L3MBTL4: variants seen among roughly 807,000 people sequenced by gnomAD.
The protein encoded by L3MBTL4 is lethal(3)malignant brain tumor-like protein 4.
L3MBTL4 carries 70 observed loss-of-function variants against 84.5 expected under a neutral mutation model. The ratio of observed to expected loss-of-function variants is 0.83; its 90% CI spans 0.68 to 1.01. The LOEUF (loss-of-function observed/expected upper bound fraction) is 1.01, where lower values mean the gene tolerates loss of function less well. Ranked by LOEUF, L3MBTL4 falls within the 50% of genes least tolerant of loss-of-function variation. The probability of loss-of-function intolerance (pLI) is 0.00; values close to 1 mark genes in which losing one functional copy is unlikely to be tolerated. For missense variants in L3MBTL4, 715 were observed against 754.8 expected (o/e 0.95, Z 0.62); for synonymous variants, 274 against 259.8 (o/e 1.05, Z -0.52).
At chr18:6,273,874 C>G (rs1395725094) in intron 4 of L3MBTL4, among the ~76,000 whole-genome samples, 1 of 152,234 alleles carries the variant, frequency 6.6e-6, no homozygotes, top group Non-Finnish European at 1.5e-5. Context: ...GAGTGAAGAT[C>G]TGGTGACTCA....
At chr18:6,205,659 T>C (rs1165581426) in intron 12 of L3MBTL4, among the ~76,000 whole-genome samples, 3 of 152,244 alleles carry the variant, frequency 2.0e-5, no homozygotes, top group African/African-American at 7.2e-5. Context: ...CCATCATCCT[T>C]TCTTATATCA....
chr18:5,969,409 C>T lies in L3MBTL4; in HGVS notation c.1598G>A (p.Arg533His), dbSNP rs147435588. 8.7e-5 allele frequency: 140 copies of T among 1,614,024 alleles called. 1 individual carries two copies. In the African/African-American group the frequency reaches 1.4e-3, roughly 16 times the overall value. ...VADIRASQVARWTVDEVAEFV... is the reference protein window; with the variant it reads ...VADIRASQVAHWTVDEVAEFV... The stretch of plus-strand genomic sequence containing the variant: ...TCCACTCACCTCATCCACAGTCCAA[C>T]GTGCCACTTGGCTGGCCCGGATGTC... Residue 533 changes from arginine (R) to histidine (H), a missense_variant, in exon 17 of 19, where the codon CGT becomes CAT. Transcript: ENST00000317931.
At chr18:6,170,942 A>C (rs1294293424) in intron 13 of L3MBTL4, among the ~76,000 whole-genome samples, 1 of 152,172 alleles carries the variant, frequency 6.6e-6, no homozygotes, top group Non-Finnish European at 1.5e-5. Context: ...AATACACTGT[A>C]GGCTCCAGAA....
At chr18:6,268,206 G>A (rs1030008720) in intron 4 of L3MBTL4, among the ~76,000 whole-genome samples, 2 of 152,140 alleles carry the variant, frequency 1.3e-5, no homozygotes, top group Non-Finnish European at 2.9e-5. Context: ...AGGAGTTCGA[G>A]ACCAGCCTGG....
intron 16 of L3MBTL4, among the ~76,000 whole-genome samples, chr18:5,988,478 T>TA (rs1047390495): frequency 3.9e-5 from 6 of 152,166 alleles, no homozygotes; most frequent in South Asian, 2.1e-4. Flanking sequence ...TTTAAATCAC[T>TA]AAAAAAATCT....
In L3MBTL4 at chr18:6,356,512, A is replaced by G. The variant is rs372825433; in HGVS notation, c.-90-44456T>C. Among the ~76,000 whole-genome samples the G allele has an allele frequency of 2.0e-5, 3 of 152,264 alleles. No homozygotes were observed. The East Asian group carries it at 5.8e-4, about 29-fold the overall frequency. On this transcript the variant is annotated intron_variant, in intron 1 of 18. Transcript: ENST00000317931. ...CATCATAGTGCAATTACACAAACCT[A>G]CTGGGTAGAGCCTACTACACTCAGG...
intron 4 of L3MBTL4, among the ~76,000 whole-genome samples, chr18:6,287,235 C>A (rs1362262068): frequency 2.0e-5 from 3 of 152,072 alleles, no homozygotes; most frequent in Non-Finnish European, 2.9e-5. Context: ...TTATAGGGAT[C>A]ATTTAAACAG....
chr18:6,284,696 G>C (rs985353870), intron 4 of L3MBTL4, among the ~76,000 whole-genome samples: 2 of 151,806 alleles, frequency 1.3e-5, no homozygotes, highest in Non-Finnish European at 1.5e-5. Flanking sequence ...TCATCCTCTC[G>C]GCCTTCTCCT....
chr18:6,131,831 T>G (rs1452209809), intron 14 of L3MBTL4, among the ~76,000 whole-genome samples: 1 of 152,248 alleles, frequency 6.6e-6, no homozygotes, highest in African/African-American at 2.4e-5. Context: ...CTTTTAGAGC[T>G]ATATAAATTT....
At chr18:6,243,556 T>A (rs1043815261) in intron 6 of L3MBTL4, 127 bp from the exon 7 acceptor site, 1 of 675,754 alleles carries the variant, frequency 1.5e-6, no homozygotes, top group East Asian at 3.1e-5. Context: ...TCTATCCAAA[T>A]GTTTCCATTA....
chr18:6,174,510 G>A (rs2044132602), intron 12 of L3MBTL4, among the ~76,000 whole-genome samples: 1 of 152,112 alleles, frequency 6.6e-6, no homozygotes, highest in Non-Finnish European at 1.5e-5. Context: ...GGAGATTGGA[G>A]ATGGCAGAAA....
chr18:6,087,359 G>C (rs1332761506), intron 15 of L3MBTL4, among the ~76,000 whole-genome samples: 3 of 152,126 alleles, frequency 2.0e-5, no homozygotes, highest in African/African-American at 7.2e-5. Context: ...ACCATCAACA[G>C]TGCTGATGAA....
rs561804516 is a variant in L3MBTL4 at position 6,193,476 on chromosome 18, G to A, written c.981+19673C>T. ...GCCCCCAAAGGGCCCATGTGCAAGG[G>A]CTGCAGAGCAGCAATATCCTCAGTG... On this transcript the variant is annotated intron_variant, in intron 12 of 18. Coordinates refer to ENST00000317931, the MANE Select transcript of L3MBTL4 (RefSeq NM_001330559.2). Among the ~76,000 whole-genome samples, 249 of 152,348 alleles carry A rather than the reference G, an allele frequency of 1.6e-3. 2 individuals carry two copies. Among genetic ancestry groups the A allele is most frequent in the African/African-American group, 5.7e-3 (239 of 41,584 alleles).
chr18:6,071,761 A>AAAAGAAAGAAGAAAGAAAG (rs2057639060), intron 16 of L3MBTL4, among the ~76,000 whole-genome samples: 1 of 92,156 alleles, frequency 1.1e-5, no homozygotes, highest in Non-Finnish European at 2.1e-5. Context: ...AAGAAAGAAA[A>AAAAGAAAGAAGAAAGAAAG]AAAGAAAGAA....
chr18:6,277,046 T>C (rs2049110073), intron 4 of L3MBTL4, among the ~76,000 whole-genome samples: 1 of 150,666 alleles, frequency 6.6e-6, no homozygotes, highest in Non-Finnish European at 1.5e-5. Flanking sequence ...TTTCCACTCT[T>C]GACTGAGTTC....
At chr18:6,127,785 C>T (rs1254505919) in intron 14 of L3MBTL4, among the ~76,000 whole-genome samples, 3 of 152,090 alleles carry the variant, frequency 2.0e-5, no homozygotes, top group African/African-American at 7.2e-5. Flanking sequence ...ACTCAAAGGA[C>T]AAGATCTCCT....
chr18:6,291,938 T>G (rs1465675355), intron 4 of L3MBTL4, among the ~76,000 whole-genome samples: 1 of 152,164 alleles, frequency 6.6e-6, no homozygotes, highest in Non-Finnish European at 1.5e-5. Flanking sequence ...GAAAACATTT[T>G]CAAACTATCC....
intron 1 of L3MBTL4, among the ~76,000 whole-genome samples, chr18:6,399,505 G>A (rs961378842): frequency 2.0e-5 from 3 of 152,106 alleles, no homozygotes; most frequent in African/African-American, 4.8e-5. Context: ...TGTTCTTGAA[G>A]GTATATTAAC....
rs60207558 is a variant in L3MBTL4, at chr18:6,118,208, A to AAC, written c.1199+19984_1199+19985dup. Among the ~76,000 whole-genome samples the AAC allele has an allele frequency of 7.9e-3, 1,123 of 141,842 alleles. 18 individuals are homozygous for AAC. The highest frequency in any genetic ancestry group is 6.8e-3 in the Non-Finnish European group (443 of 65,336). The allele number at this position is 141,842 out of a possible 152,430, so 93.1% of individuals were successfully genotyped here. The stretch of plus-strand genomic sequence containing the variant: ...TCTCTCTGTCTCTTAAACACACACA[A>AAC]ACACACACACACACACACACGAGCA... On this transcript the variant is annotated intron_variant, in intron 14 of 18. Transcript: ENST00000317931.
Sources: gnomAD v4.1 joint callset for allele counts (sites outside exome capture counted in the v4.1 genomes callset) on GRCh38, gnomAD v4.1.1 for gene constraint, MANE v1.5 for transcripts, NCBI Gene and HGNC (gene_info 2026-07-23, HGNC 2026-07-21) for gene names.